The following PCDHGB7 variants were observed in gnomAD, a reference collection of about 807,000 sequenced individuals.
PCDHGB7 encodes protocadherin gamma-B7.
PCDHGB7 carries 37 observed loss-of-function variants against 61.4 expected under a neutral mutation model. That is an observed-to-expected ratio of 0.60 (90% CI 0.46 to 0.79). The LOEUF is 0.79. Among genes scored for constraint, PCDHGB7 ranks in the 30% least tolerant of loss-of-function variants. The pLI is 0.00. For synonymous variants in PCDHGB7, 464 were observed against 503.5 expected, an observed-to-expected ratio of 0.92 and a Z score of 1.05; for missense variants, 1,166 against 1,202.5, an observed-to-expected ratio of 0.97 and a Z score of 0.45.
In PCDHGB7 at chr5:141,476,288, C is replaced by A. The variant is rs1446743849; in HGVS notation, c.2416-18519C>A. 3.1e-6 allele frequency: 5 copies of A among 1,613,980 alleles called. No homozygotes were observed. The highest frequency in any genetic ancestry group is 3.4e-6 in the Non-Finnish European group (4 of 1,180,026). ...CGTGGTCGCGAACCTTGGTTTGGAT[C>A]TCGGTAGCCTCTCAGCCCGCAGGTT... On this transcript the variant is annotated intron_variant, in intron 1 of 3. Coordinates refer to ENST00000398594, the MANE Select transcript of PCDHGB7 (RefSeq NM_018927.4). This position sits in a 1 kb window ranked among gnomAD's most constrained non-coding sequence, Gnocchi z 7.6.
intron 1 of PCDHGB7, chr5:141,427,818 G>T: frequency 6.5e-7 from 1 of 1,530,644 alleles, no homozygotes; most frequent in Non-Finnish European, 9.0e-7. Flanking sequence ...GAGCGGGGTG[G>T]TGGTCGCGCA....
chr5:141,511,002 C>T lies in PCDHGB7; in HGVS notation c.2619C>T (p.Ser873=), dbSNP rs143630962. 77 of 1,614,140 alleles carry T rather than the reference C, an allele frequency of 4.8e-5. No individual in the cohort carries two copies. Among genetic ancestry groups the T allele is most frequent in the South Asian group, 2.1e-4 (19 of 91,080 alleles). ...GGGGTGCCGGCACCATGGGATTGAG[C>T]GCCCGCTACGGACCCCAGTTCACCC... The part of the protein sequence containing the change: ...LGGGAGTMGL[S]ARYGPQFTLQ... Residue 873 remains serine (S), a synonymous_variant, in exon 4 of 4, where the codon AGC becomes AGT. Coordinates refer to ENST00000398594, the MANE Select transcript of PCDHGB7 (RefSeq NM_018927.4).
At chr5:141,480,828 TAAGATC>T (rs1054950452) in intron 1 of PCDHGB7, among the ~76,000 whole-genome samples, 22 of 152,260 alleles carry the variant, frequency 1.4e-4, no homozygotes, top group African/African-American at 5.1e-4. Context: ...GGGTGGATCA[TAAGATC>T]AGGAGTTTGA....
chr5:141,487,293 C>T lies in PCDHGB7; in HGVS notation c.2416-7514C>T. ...GCAATTTGCTTTGTCTCCTTTGGCT[C>T]ATTCGTGGCACTACTCTCTAAGTGT... is the stretch of plus-strand genomic sequence containing the variant. On this transcript the variant is annotated intron_variant, in intron 1 of 3. Transcript: ENST00000398594. The surrounding 1 kb of genome is among the most constrained non-coding windows in gnomAD (Gnocchi z 5.0). 1 of 1,614,148 alleles carries T rather than the reference C, an allele frequency of 6.2e-7. No individual in the cohort carries two copies. Among genetic ancestry groups the T allele is most frequent in the Non-Finnish European group, 8.5e-7 (1 of 1,180,010 alleles).
At position 141,431,790 on chromosome 5, in the gene PCDHGB7, C is replaced by G; in HGVS notation, c.2415+11516C>G. ...ACTGTTCTGGACGTGAACGACAATG[C>G]CCCAGAAGTGGTCCTCACCTCTCTC... On this transcript the variant is annotated intron_variant, in intron 1 of 3. Coordinates refer to ENST00000398594, the MANE Select transcript of PCDHGB7 (RefSeq NM_018927.4). The surrounding 1 kb of genome is among the most constrained non-coding windows in gnomAD (Gnocchi z 4.8). 1 of 1,614,186 alleles carries G rather than the reference C, an allele frequency of 6.2e-7. No homozygotes were observed. Among genetic ancestry groups the G allele is most frequent in the Non-Finnish European group, 8.5e-7 (1 of 1,180,016 alleles).
At chr5:141,478,478 A>T (rs764926007) in intron 1 of PCDHGB7, 2 of 1,613,740 alleles carry the variant, frequency 1.2e-6, no homozygotes, top group East Asian at 4.5e-5. Flanking sequence ...CCGCCAGAAC[A>T]CGCTGCGGAG....
intron 1 of PCDHGB7, among the ~76,000 whole-genome samples, chr5:141,483,094 G>C (rs1304382782): frequency 6.6e-6 from 1 of 152,058 alleles, no homozygotes; most frequent in African/African-American, 2.4e-5. Context: ...CAAAAAAAAA[G>C]TGTGCGTGTA....
At chr5:141,423,227 A>C (rs1305722929) in intron 1 of PCDHGB7, 5 of 1,613,634 alleles carry the variant, frequency 3.1e-6, no homozygotes, top group Non-Finnish European at 2.5e-6. Context: ...GCTGTGGCCG[A>C]CAGCATCCCC....
Position 141,419,922 on chromosome 5 carries a change from T to C in PCDHGB7, c.2063T>C (p.Met688Thr), listed in dbSNP as rs761868361. The C allele has an allele frequency of 6.2e-7, 1 of 1,614,090 alleles. No individual in the cohort carries two copies. The highest frequency in any genetic ancestry group is 1.1e-5 in the South Asian group (1 of 91,092). ...HPTPSDSQAE[M>T]QFYLVVALAL... The stretch of plus-strand genomic sequence containing the variant: ...ACACCCTCTGACTCCCAGGCTGAGA[T>C]GCAGTTTTACCTGGTGGTGGCCTTG... The change falls in exon 1 of 4, where the codon ATG (methionine) becomes ACG (threonine). Residue 688 changes from methionine to threonine, a missense_variant. Transcript: ENST00000398594.
intron 3 of PCDHGB7, among the ~76,000 whole-genome samples, chr5:141,508,533 C>A (rs1396219805): frequency 6.6e-6 from 1 of 152,160 alleles, no homozygotes; most frequent in Non-Finnish European, 1.5e-5. Flanking sequence ...CAGGGCACCC[C>A]CCACGAGGTG....
In PCDHGB7 at chr5:141,485,513, T is replaced by C. The variant is rs751762068; in HGVS notation, c.2416-9294T>C. The C allele has an allele frequency of 4.3e-6, 7 of 1,613,938 alleles. No homozygotes were observed. The highest frequency in any genetic ancestry group is 2.2e-5 in the East Asian group (1 of 44,890). On this transcript the variant is annotated intron_variant, in intron 1 of 3. Coordinates refer to ENST00000398594, the MANE Select transcript of PCDHGB7 (RefSeq NM_018927.4). The surrounding 1 kb of genome is among the most constrained non-coding windows in gnomAD (Gnocchi z 5.7). ...CCTGGAGTTTGTCACCGAAGGTCCTTTGGAAATGTACCGAGCAGAGGTAGA... is the reference window on the plus strand; with the variant it reads ...CCTGGAGTTTGTCACCGAAGGTCCTCTGGAAATGTACCGAGCAGAGGTAGA...
chr5:141,466,646 T>C (rs954003023), intron 1 of PCDHGB7, among the ~76,000 whole-genome samples: 11 of 152,210 alleles, frequency 7.2e-5, no homozygotes, highest in African/African-American at 2.4e-4. Context: ...CATAAACTTT[T>C]CACAAAACAT....
chr5:141,449,067 T>A lies in PCDHGB7; in HGVS notation c.2415+28793T>A, dbSNP rs547833131. On this transcript the variant is annotated intron_variant, in intron 1 of 3. Transcript: ENST00000398594. ...AGTCTCATAAATGAGCGCTATTGAA[T>A]AGCCCTGTACCTACATCAGTTTTTA... Among the ~76,000 whole-genome samples the A allele has an allele frequency of 3.3e-5, 5 of 152,342 alleles. No homozygotes were observed. In the East Asian group the frequency reaches 9.6e-4, roughly 29 times the overall value.
At position 141,473,628 on chromosome 5, in the gene PCDHGB7, A is replaced by T. The variant is rs533175704; in HGVS notation, c.2416-21179A>T. The stretch of plus-strand genomic sequence containing the variant: ...AAAGCAAAGGGAGGGAGGAAAAAGC[A>T]GCTTTCCTGGCAAAGGAACAATTTG... On this transcript the variant is annotated intron_variant, in intron 1 of 3. Transcript: ENST00000398594. 4.6e-5 allele frequency among the ~76,000 whole-genome samples: 7 copies of T among 152,334 alleles called. No individual in the cohort carries two copies. In the South Asian group the frequency reaches 1.4e-3, roughly 32 times the overall value.
chr5:141,478,394 G>T (rs2099453142), intron 1 of PCDHGB7: 4 of 1,613,586 alleles, frequency 2.5e-6, no homozygotes, highest in Non-Finnish European at 3.4e-6. Flanking sequence ...TTACCATCAG[G>T]TGTATCTCAC....
chr5:141,483,620 A>G (rs192148102), intron 1 of PCDHGB7, among the ~76,000 whole-genome samples: 472 of 151,650 alleles, frequency 3.1e-3, no homozygotes, highest in Non-Finnish European at 5.0e-3. Context: ...CATCATTCCC[A>G]TGGGAGAAGG....
At position 141,431,869 on chromosome 5, in the gene PCDHGB7, T is replaced by C. The variant is rs140856757; in HGVS notation, c.2415+11595T>C. ...GAGGGACATTAATTGCCCTTTTAAA[T>C]GTAAATGACCAAGATTCTGAGGAAA... is the stretch of plus-strand genomic sequence containing the variant. On this transcript the variant is annotated intron_variant, in intron 1 of 3. Transcript: ENST00000398594. The surrounding 1 kb of genome is among the most constrained non-coding windows in gnomAD (Gnocchi z 4.8). 8.5e-4 allele frequency: 1,376 copies of C among 1,614,252 alleles called. 2 individuals carry two copies. Among genetic ancestry groups the C allele is most frequent in the Non-Finnish European group, 1.1e-3 (1,291 of 1,180,028 alleles).
At chr5:141,423,666 A>G in intron 1 of PCDHGB7, 1 of 1,494,380 alleles carries the variant, frequency 6.7e-7, no homozygotes, top group Non-Finnish European at 8.9e-7. Context: ...ATCAGGTGAG[A>G]TTTATTTCTC....
rs112731052 is a variant in PCDHGB7 at position 141,457,109 on chromosome 5, A to G, written c.2415+36835A>G. ...TATAAGGATACTAATTAAGCAAAAT[A>G]CGACAGCAATGGAAACTCTGTCCAA... is the stretch of plus-strand genomic sequence containing the variant. On this transcript the variant is annotated intron_variant, in intron 1 of 3. Coordinates refer to ENST00000398594, the MANE Select transcript of PCDHGB7 (RefSeq NM_018927.4). 8.3e-3 allele frequency among the ~76,000 whole-genome samples: 1,258 copies of G among 152,360 alleles called. 17 individuals are homozygous for G. Among genetic ancestry groups the G allele is most frequent in the African/African-American group, 0.029 (1,195 of 41,578 alleles).
Sources: allele counts gnomAD v4.1 joint callset (sites outside exome capture counted in the v4.1 genomes callset), GRCh38; gene constraint gnomAD v4.1.1; non-coding constraint Gnocchi (gnomAD v3.1); transcripts MANE v1.5; gene names NCBI Gene and HGNC (gene_info 2026-07-23, HGNC 2026-07-21).